NCALD: variants seen among roughly 807,000 people sequenced by gnomAD.
NCALD encodes neurocalcin-delta.
NCALD carries 10 observed loss-of-function variants against 18.6 expected under a neutral mutation model. The observed-to-expected ratio is 0.54, with a 90% confidence interval of 0.33 to 0.91. The LOEUF is 0.91. Ranked by LOEUF, NCALD falls within the 40% of genes least tolerant of loss-of-function variation. NCALD has a pLI of 0.03. For missense variants in NCALD, 184 were observed against 247.6 expected (o/e 0.74, Z 1.72); for synonymous variants, 88 against 87.4 (o/e 1.01, Z -0.04).
rs540372796 is a variant in NCALD, at chr8:101,943,810, G to A, written c.-156-27952C>T. Among the ~76,000 whole-genome samples, 7 of 152,116 alleles carry A rather than the reference G, an allele frequency of 4.6e-5. No homozygotes were observed. In the East Asian group the frequency reaches 5.8e-4, roughly 13 times the overall value. On this transcript the variant is annotated intron_variant, in intron 2 of 6. Transcript: ENST00000311028. Reference sequence around the variant, plus strand: ...AAAAAAATTAGCCAGGCATGGTGGCGGGCTCCTGTAGTCTCAGTTACTCGG... The same window carrying A: ...AAAAAAATTAGCCAGGCATGGTGGCAGGCTCCTGTAGTCTCAGTTACTCGG...
chr8:102,100,005 G>GAAGAAGAAAAAGAAA (rs3085980), intron 1 of NCALD, among the ~76,000 whole-genome samples: 4 of 146,656 alleles, frequency 2.7e-5, no homozygotes, highest in African/African-American at 7.7e-5. Flanking sequence ...AGAAGAAGAA[G>GAAGAAGAAAAAGAAA]AAGAAAAAGA....
At chr8:101,727,324 A>G (rs916039145) in intron 1 of NCALD, among the ~76,000 whole-genome samples, 13 of 152,204 alleles carry the variant, frequency 8.5e-5, no homozygotes, top group African/African-American at 2.9e-4. Flanking sequence ...GCACCTCAAT[A>G]CAAACTATTA....
intron 1 of NCALD, among the ~76,000 whole-genome samples, chr8:102,024,268 A>T (rs184494902): frequency 6.6e-6 from 1 of 152,384 alleles, no homozygotes; most frequent in East Asian, 1.9e-4. Context: ...AAAGCCTGTC[A>T]TGAGTAATTC....
At chr8:101,982,906 T>C (rs571286385) in intron 2 of NCALD, among the ~76,000 whole-genome samples, 1 of 152,172 alleles carries the variant, frequency 6.6e-6, no homozygotes, top group East Asian at 1.9e-4. Context: ...TTGAATAAAT[T>C]AGCATACACT....
chr8:102,006,177 T>C (rs1220998588), intron 2 of NCALD, among the ~76,000 whole-genome samples: 1 of 152,240 alleles, frequency 6.6e-6, no homozygotes, highest in Non-Finnish European at 1.5e-5. Context: ...TCAGTTTGAA[T>C]ATTTACTTAT....
intron 4 of NCALD, among the ~76,000 whole-genome samples, chr8:101,807,035 A>G (rs1813128346): frequency 6.6e-6 from 1 of 152,132 alleles, no homozygotes; most frequent in Non-Finnish European, 1.5e-5. Flanking sequence ...ACAGCTGTCA[A>G]CCAAGAAGCC....
chr8:102,067,277 G>A (rs10090764), intron 1 of NCALD, among the ~76,000 whole-genome samples: 25,840 of 152,154 alleles, frequency 0.17, 2,562 homozygotes, highest in African/African-American at 0.27. Flanking sequence ...GGAAACATGT[G>A]AAGCCATTTT....
chr8:101,942,415 A>G (rs191898571), intron 2 of NCALD, among the ~76,000 whole-genome samples: 27 of 152,350 alleles, frequency 1.8e-4, no homozygotes, highest in African/African-American at 6.0e-4. Context: ...TCACAGTCCA[A>G]TAGAGAAAAC....
At chr8:101,922,676 G>A (rs188884873) in intron 2 of NCALD, among the ~76,000 whole-genome samples, 2 of 152,256 alleles carry the variant, frequency 1.3e-5, no homozygotes, top group Non-Finnish European at 2.9e-5. Flanking sequence ...GTACAATACA[G>A]TTGTGCCCTA....
intron 2 of NCALD, among the ~76,000 whole-genome samples, chr8:101,999,889 C>T (rs1821384204): frequency 1.3e-5 from 2 of 152,074 alleles, no homozygotes; most frequent in Non-Finnish European, 2.9e-5. Flanking sequence ...CTTTCAAAAA[C>T]TGGAGAGTTG....
chr8:101,954,508 T>C lies in NCALD; in HGVS notation c.-156-38650A>G, dbSNP rs553444257. On this transcript the variant is annotated intron_variant, in intron 2 of 6. Coordinates refer to the NCALD transcript ENST00000311028. ...TCTACCTCTAATCAGAGAAAAATAC[T>C]CTTACCATGAGGGAAACAATCGTCA... Among the ~76,000 whole-genome samples, 4 of 152,280 alleles carry C rather than the reference T, an allele frequency of 2.6e-5. No individual in the cohort carries two copies. In the East Asian group the frequency reaches 7.7e-4, roughly 29 times the overall value.
At chr8:102,022,846 A>C (rs1335167966) in intron 1 of NCALD, among the ~76,000 whole-genome samples, 3 of 152,074 alleles carry the variant, frequency 2.0e-5, no homozygotes, top group African/African-American at 7.2e-5. Flanking sequence ...CAGTGAATCC[A>C]TTTGCCCCCA....
At chr8:101,771,845 A>G (rs1225409433) in intron 1 of NCALD, among the ~76,000 whole-genome samples, 1 of 152,222 alleles carries the variant, frequency 6.6e-6, no homozygotes, top group Non-Finnish European at 1.5e-5. Context: ...TACGCAAGGT[A>G]CTATCTATGT....
intron 1 of NCALD, among the ~76,000 whole-genome samples, chr8:102,114,723 A>G (rs79677915): frequency 1.3e-5 from 2 of 152,306 alleles, no homozygotes; most frequent in East Asian, 3.9e-4. Context: ...TTTCTGGCCA[A>G]ATTATACCAG....
At position 101,957,383 on chromosome 8, in the gene NCALD, G is replaced by C. The variant is rs1013824150; in HGVS notation, c.-156-41525C>G. On this transcript the variant is annotated intron_variant, in intron 2 of 6. Transcript: ENST00000311028. ...CAAGAAGTTGCCCTCCGCAGCCAAA[G>C]AGCATAATACCCAGGAAATCAAATG... 1.2e-4 allele frequency among the ~76,000 whole-genome samples: 17 copies of C among 139,682 alleles called. No homozygotes were observed. In the Admixed American group the frequency reaches 1.2e-3, roughly 10 times the overall value. 91.6% of individuals were successfully genotyped at this position (139,682 alleles called of 152,430 possible). A position where few individuals can be genotyped will look rare whatever the true frequency, so the allele number is the denominator to read the frequency against.
intron 2 of NCALD, among the ~76,000 whole-genome samples, chr8:101,994,229 T>C (rs903725478): frequency 5.3e-5 from 8 of 152,166 alleles, no homozygotes; most frequent in African/African-American, 1.9e-4. Context: ...AGGGAGGTAT[T>C]GGGAAGAGAA....
At chr8:101,803,435 C>G (rs923617466) in intron 4 of NCALD, among the ~76,000 whole-genome samples, 1 of 152,172 alleles carries the variant, frequency 6.6e-6, no homozygotes, top group African/African-American at 2.4e-5. Context: ...TGTTTTGATG[C>G]CTGGTAACAC....
At chr8:101,903,107 G>C (rs1444874767) in intron 3 of NCALD, among the ~76,000 whole-genome samples, 4 of 152,156 alleles carry the variant, frequency 2.6e-5, no homozygotes, top group Non-Finnish European at 5.9e-5. Flanking sequence ...GAAAAGAAAT[G>C]AGTGGGCAGA....
At chr8:102,075,704 C>A in intron 1 of NCALD, among the ~76,000 whole-genome samples, 1 of 152,086 alleles carries the variant, frequency 6.6e-6, no homozygotes, top group South Asian at 2.1e-4. Context: ...CCTGTAATCC[C>A]AGCATTTTGG....
Sources: allele counts gnomAD v4.1 joint callset (sites outside exome capture counted in the v4.1 genomes callset), GRCh38; gene constraint gnomAD v4.1.1; transcripts MANE v1.5; gene names NCBI Gene and HGNC (gene_info 2026-07-23, HGNC 2026-07-21).